STRBP: variants seen among roughly 807,000 people sequenced by gnomAD.
STRBP encodes the protein spermatid perinuclear RNA binding protein.
In STRBP, 13 loss-of-function variants were observed where a neutral mutation model predicts 80.1. The ratio of observed to expected loss-of-function variants is 0.16; its 90% CI spans 0.11 to 0.26. The LOEUF is 0.26. Among genes scored for constraint, STRBP ranks in the 10% least tolerant of loss-of-function variants. The probability of loss-of-function intolerance (pLI) is 1.00; values close to 1 mark genes in which losing one functional copy is unlikely to be tolerated. For synonymous variants in STRBP, 284 were observed against 291.2 expected, an observed-to-expected ratio of 0.98 and a Z score of 0.25; for missense variants, 485 against 815.2, an observed-to-expected ratio of 0.59 and a Z score of 4.93.
intron 11 of STRBP, among the ~76,000 whole-genome samples, chr9:123,156,157 G>A (rs1335498525): frequency 6.6e-6 from 1 of 151,512 alleles, no homozygotes; most frequent in Non-Finnish European, 1.5e-5. Flanking sequence ...CCGAAAGAGT[G>A]GTTGTGAATT....
At chr9:123,200,734 ATTTTTTTTTTTTTT>A (rs71390418) in intron 2 of STRBP, among the ~76,000 whole-genome samples, 3 of 37,510 alleles carry the variant, frequency 8.0e-5, no homozygotes, top group South Asian at 2.5e-3. Flanking sequence ...CACCCCGCTA[ATTTTTTTTTTTTTT>A]TTTTTTTTTT....
intron 1 of STRBP, among the ~76,000 whole-genome samples, chr9:123,264,040 G>A (rs1382222722): frequency 1.3e-5 from 2 of 152,206 alleles, no homozygotes; most frequent in South Asian, 2.1e-4. Context: ...TTAGCTGGGC[G>A]TGGTGGCGGG....
intron 2 of STRBP, among the ~76,000 whole-genome samples, chr9:123,195,888 G>A (rs965150848): frequency 6.6e-6 from 1 of 152,084 alleles, no homozygotes; most frequent in African/African-American, 2.4e-5. Context: ...ACCCAGACTA[G>A]CCAAAACTAT....
intron 2 of STRBP, among the ~76,000 whole-genome samples, chr9:123,194,484 T>C (rs963177809): frequency 1.3e-5 from 2 of 152,118 alleles, no homozygotes; most frequent in East Asian, 3.9e-4. Flanking sequence ...ATAGCACCCA[T>C]CAATAAAAAT....
rs2035833930 is a variant in STRBP at position 123,124,788 on chromosome 9, C to T, written c.*809G>A. 4.1e-6 allele frequency: 4 copies of T among 985,420 alleles called. No homozygotes were observed. The highest frequency in any genetic ancestry group is 1.0e-3 in the Middle Eastern group (2 of 1,914). The allele number at this position is 985,420 out of a possible 1,614,324, so 61.0% of individuals were successfully genotyped here. A position where few individuals can be genotyped will look rare whatever the true frequency, so the allele number is the denominator to read the frequency against. Reference sequence around the variant, plus strand: ...ATAATCACATTCTCCTTCCCCATCTCTGGGTAGTGCCATCATTTTAATAAG... The same window carrying T: ...ATAATCACATTCTCCTTCCCCATCTTTGGGTAGTGCCATCATTTTAATAAG... On this transcript the variant is annotated 3_prime_UTR_variant, in exon 19 of 19. Transcript: ENST00000348403.
At chr9:123,166,950 A>T (rs1426237371) in intron 6 of STRBP, among the ~76,000 whole-genome samples, 1 of 152,206 alleles carries the variant, frequency 6.6e-6, no homozygotes, top group South Asian at 2.1e-4. Context: ...GAGGAAACTT[A>T]CCTATGAAAC....
At position 123,125,073 on chromosome 9, in the gene STRBP, T is replaced by C. The variant is rs999152619; in HGVS notation, c.*524A>G. ...ATATTTTATTGGCTTTATTACACAC[T>C]TCAATATTTACAAAGTTAAAGTTAA... On this transcript the variant is annotated 3_prime_UTR_variant, in exon 19 of 19. Transcript: ENST00000348403. 1.0e-6 allele frequency: 1 copy of C among 985,224 alleles called. No homozygotes were observed. The highest frequency in any genetic ancestry group is 1.7e-5 in the African/African-American group (1 of 57,208). 61.0% of individuals were successfully genotyped at this position (985,224 alleles called of 1,614,324 possible). A position where few individuals can be genotyped will look rare whatever the true frequency, so the allele number is the denominator to read the frequency against.
chr9:123,257,091 A>G (rs2041049370), intron 1 of STRBP, among the ~76,000 whole-genome samples: 1 of 152,084 alleles, frequency 6.6e-6, no homozygotes, highest in Non-Finnish European at 1.5e-5. Flanking sequence ...CCTGCATTCA[A>G]ATCCTTCTAT....
At chr9:123,221,551 T>C (rs551519490) in intron 2 of STRBP, among the ~76,000 whole-genome samples, 15 of 152,256 alleles carry the variant, frequency 9.9e-5, no homozygotes, top group Non-Finnish European at 1.5e-4. Flanking sequence ...TTTAGGTTCA[T>C]CAATAGTTAA....
intron 6 of STRBP, among the ~76,000 whole-genome samples, chr9:123,165,639 T>C (rs576163225): frequency 3.3e-5 from 5 of 152,278 alleles, no homozygotes; most frequent in Admixed American, 6.5e-5. Flanking sequence ...ATAGCAAATA[T>C]ATTTCTAATT....
intron 2 of STRBP, among the ~76,000 whole-genome samples, chr9:123,212,371 G>C (rs1343914211): frequency 6.6e-6 from 1 of 152,090 alleles, no homozygotes; most frequent in East Asian, 1.9e-4. Flanking sequence ...ATGTAAAATG[G>C]ATCTCTTGCC....
At chr9:123,182,260 A>T (rs2038508934) in intron 3 of STRBP, among the ~76,000 whole-genome samples, 1 of 150,114 alleles carries the variant, frequency 6.7e-6, no homozygotes, top group East Asian at 1.9e-4. Context: ...ACAAAAAATT[A>T]AATCAGAAGA....
downstream of STRBP, among the ~76,000 whole-genome samples, chr9:123,118,615 T>G (rs2035682298): frequency 1.3e-5 from 2 of 152,250 alleles, no homozygotes; most frequent in Non-Finnish European, 2.9e-5. Context: ...CTGGGGGGAA[T>G]GTACTAACTT....
intron 4 of STRBP, among the ~76,000 whole-genome samples, chr9:123,174,803 T>C (rs758192090): frequency 1.3e-5 from 2 of 152,198 alleles, no homozygotes; most frequent in Non-Finnish European, 2.9e-5. Context: ...AAATGGTGCA[T>C]AAGAAAGGTG....
At chr9:123,220,940 C>T (rs146305322) in intron 2 of STRBP, among the ~76,000 whole-genome samples, 1 of 152,024 alleles carries the variant, frequency 6.6e-6, no homozygotes, top group East Asian at 1.9e-4. Flanking sequence ...ATTTCCATGA[C>T]ATCACGTTAA....
intron 1 of STRBP, among the ~76,000 whole-genome samples, chr9:123,254,379 T>C (rs1266545664): frequency 6.9e-6 from 1 of 144,420 alleles, no homozygotes; most frequent in African/African-American, 2.6e-5. Context: ...AAGAATGGCA[T>C]GAACCCGGGA....
At chr9:123,119,596 G>A (rs76482343), downstream of STRBP, among the ~76,000 whole-genome samples, 65 of 151,994 alleles carry the variant, frequency 4.3e-4, 1 homozygote, top group South Asian at 1.5e-3. Context: ...AGCAGCTGAC[G>A]CCTATCAGCA....
At chr9:123,161,662 C>T (rs899870766) in intron 6 of STRBP, among the ~76,000 whole-genome samples, 2 of 152,112 alleles carry the variant, frequency 1.3e-5, no homozygotes, top group Admixed American at 1.3e-4. Context: ...ATTCCCTATT[C>T]TAAACCAAAA....
Position 123,179,133 on chromosome 9 carries a change from T to C in STRBP, c.98A>G (p.Asn33Ser), listed in dbSNP as rs577837715. The C allele has an allele frequency of 2.9e-5, 47 of 1,614,026 alleles. No homozygotes were observed. The highest frequency in any genetic ancestry group is 3.8e-5 in the Non-Finnish European group (45 of 1,179,992). Reference protein sequence around the residue: ...PSPEELEAVQNMVSTVECALK... With the variant: ...PSPEELEAVQSMVSTVECALK... ...AGCACATTCAACAGTAGATACCATA[T>C]TCTGAACAGCTTCAAGTTCCTCCGG... Residue 33 changes from asparagine (N) to serine (S), a missense_variant, in exon 4 of 19, where the codon AAT becomes AGT. Physicochemically the swap from Asn to Ser is conservative, Grantham distance 46. Around this residue, in one of 3 missense-constraint regions of STRBP, gnomAD observed 377 missense variants for 616.1 expected, o/e 0.61. Transcript: ENST00000348403.
Sources: gnomAD v4.1 joint callset for allele counts (sites outside exome capture counted in the v4.1 genomes callset) on GRCh38, gnomAD v4.1.1 for gene constraint, gnomAD v4.1.1 regional missense constraint, MANE v1.5 for transcripts, NCBI Gene and HGNC (gene_info 2026-07-23, HGNC 2026-07-21) for gene names.